PDE1C: variants seen among roughly 807,000 people sequenced by gnomAD.
PDE1C encodes phosphodiesterase 1C, also known as dual specificity calcium/calmodulin-dependent 3',5'-cyclic nucleotide phosphodiesterase 1C.
In PDE1C, 62 loss-of-function variants were observed where a neutral mutation model predicts 93.1. The observed-to-expected ratio is 0.67, with a 90% CI of 0.54 to 0.82. PDE1C has a LOEUF of 0.82. PDE1C is among the 40% of genes least tolerant of loss of function. PDE1C has a pLI of 0.00. For missense variants in PDE1C, 742 were observed against 884.6 expected (o/e 0.84, Z 2.04); for synonymous variants, 325 against 310.1 (o/e 1.05, Z -0.50).
chr7:32,180,742 T>C (rs1398034265), intron 2 of PDE1C, among the ~76,000 whole-genome samples: 1 of 152,228 alleles, frequency 6.6e-6, no homozygotes, highest in Non-Finnish European at 1.5e-5. Flanking sequence ...AAGTGCAGAA[T>C]TTTCCAAAAA....
rs547629279 is a variant in PDE1C at position 32,403,846 on chromosome 7, G to A, written c.310+23976C>T. ...CAGCATTGGGAACTGAGGGGTTGGTGGGGAGGAGTGACAAAATATAGAAGA... is the reference window on the plus strand; with the variant it reads ...CAGCATTGGGAACTGAGGGGTTGGTAGGGAGGAGTGACAAAATATAGAAGA... On this transcript the variant is annotated intron_variant, in intron 1 of 1. Transcript: ENST00000672256. Among the ~76,000 whole-genome samples the A allele has an allele frequency of 3.0e-4, 46 of 152,262 alleles. No individual in the cohort carries two copies. In the South Asian group the frequency reaches 4.8e-3, roughly 16 times the overall value.
At chr7:31,672,183 G>A in the PDE1C span, among the ~76,000 whole-genome samples, 950 of 152,146 alleles carry the variant, frequency 6.2e-3, 10 homozygotes, top group African/African-American at 0.022. Flanking sequence ...TCAGACTCTC[G>A]GCCAAGTCTG....
At chr7:31,695,128 G>A in the PDE1C span, among the ~76,000 whole-genome samples, 2 of 140,600 alleles carry the variant, frequency 1.4e-5, no homozygotes, top group Non-Finnish European at 3.0e-5. Context: ...ATGGAGGCGC[G>A]TTTAGCAGAG....
At chr7:31,631,987 G>T in the PDE1C span, among the ~76,000 whole-genome samples, 8 of 152,316 alleles carry the variant, frequency 5.3e-5, no homozygotes, top group South Asian at 1.0e-3. Flanking sequence ...GGCCCTGCAG[G>T]TCCCAGTGAC....
chr7:31,742,419 C>T, the PDE1C span, among the ~76,000 whole-genome samples: 9 of 152,204 alleles, frequency 5.9e-5, no homozygotes, highest in Admixed American at 2.6e-4. Flanking sequence ...TCAAGCAGCA[C>T]AAGCCAGCTG....
chr7:32,082,534 G>T (rs531656880), intron 3 of PDE1C, among the ~76,000 whole-genome samples: 3 of 152,208 alleles, frequency 2.0e-5, no homozygotes, highest in Admixed American at 1.3e-4. Flanking sequence ...ATCTGAGAAC[G>T]GGCAGACTGC....
chr7:32,252,132 C>T (rs949593870), intron 1 of PDE1C, among the ~76,000 whole-genome samples: 2 of 152,204 alleles, frequency 1.3e-5, no homozygotes, highest in African/African-American at 4.8e-5. Context: ...ACTTATGTCT[C>T]CTCCTCTCTG....
At chr7:32,165,341 G>T (rs1400476318) in intron 3 of PDE1C, among the ~76,000 whole-genome samples, 1 of 152,120 alleles carries the variant, frequency 6.6e-6, no homozygotes, top group African/African-American at 2.4e-5. Context: ...CCAGGAAGGG[G>T]GTCTCTTTAT....
At chr7:31,828,676 AGCCAGCACT>A (rs1158825395) in intron 11 of PDE1C, among the ~76,000 whole-genome samples, 3 of 152,162 alleles carry the variant, frequency 2.0e-5, no homozygotes, top group Non-Finnish European at 4.4e-5. Flanking sequence ...TGTGGCCTGC[AGCCAGCACT>A]GCAGGCAGAA....
chr7:32,212,621 C>T lies in PDE1C; in HGVS notation c.86-3082G>A, dbSNP rs775499385. ...TGCGCTAGATGGACAATCCCACACA[C>T]GCCCTTCACACACTCTTCCTGCCTG... is the stretch of plus-strand genomic sequence containing the variant. On this transcript the variant is annotated intron_variant, in intron 1 of 18. Coordinates refer to the PDE1C transcript ENST00000396193. 7.9e-5 allele frequency among the ~76,000 whole-genome samples: 12 copies of T among 152,286 alleles called. 1 individual carries two copies. The South Asian group carries it at 8.3e-4, about 11-fold the overall frequency.
intron 1 of PDE1C, among the ~76,000 whole-genome samples, chr7:32,385,509 C>A (rs1784606731): frequency 6.6e-6 from 1 of 152,164 alleles, no homozygotes; most frequent in African/African-American, 2.4e-5. Flanking sequence ...CAAGGTCCCT[C>A]ACAAGCAAGC....
At chr7:31,645,203 T>C in the PDE1C span, among the ~76,000 whole-genome samples, 1 of 152,196 alleles carries the variant, frequency 6.6e-6, no homozygotes, top group East Asian at 1.9e-4. Context: ...CTTTAAAATA[T>C]CTAAATCTAT....
At chr7:31,743,786 C>T in the PDE1C span, among the ~76,000 whole-genome samples, 2,629 of 152,208 alleles carry the variant, frequency 0.017, 79 homozygotes, top group African/African-American at 0.059. Flanking sequence ...AAGAAGTCAG[C>T]CAGGGCTGGT....
At chr7:31,790,083 G>A in intron 16 of PDE1C, 1 of 1,462,970 alleles carries the variant, frequency 6.8e-7, no homozygotes, top group Non-Finnish European at 9.0e-7. Flanking sequence ...GAGATGGTGT[G>A]AGGGAAGGCC....
the PDE1C span, among the ~76,000 whole-genome samples, chr7:31,736,205 G>A: frequency 6.6e-6 from 1 of 152,168 alleles, no homozygotes; most frequent in Non-Finnish European, 1.5e-5. Flanking sequence ...TCCAGGTCTT[G>A]TACCAGCAGG....
intron 2 of PDE1C, among the ~76,000 whole-genome samples, chr7:31,999,649 T>C (rs1221221391): frequency 2.0e-5 from 3 of 152,166 alleles, no homozygotes; most frequent in African/African-American, 7.2e-5. Flanking sequence ...TACATGGATA[T>C]AAAAACACCT....
chr7:31,723,845 C>T, the PDE1C span, among the ~76,000 whole-genome samples: 8 of 152,268 alleles, frequency 5.3e-5, no homozygotes, highest in South Asian at 2.1e-4. Flanking sequence ...TGTGTCTCTC[C>T]GCTCCTGACC....
At chr7:32,322,086 T>C (rs1040456349) in intron 1 of PDE1C, among the ~76,000 whole-genome samples, 2 of 152,196 alleles carry the variant, frequency 1.3e-5, no homozygotes, top group Non-Finnish European at 2.9e-5. Context: ...TATTAATTTA[T>C]TTAGTCCTTA....
chr7:31,826,864 A>G lies in PDE1C; in HGVS notation c.1285+1428T>C, dbSNP rs573301542. Among the ~76,000 whole-genome samples the G allele has an allele frequency of 2.0e-5, 3 of 152,306 alleles. No individual in the cohort carries two copies. In the East Asian group the frequency reaches 5.8e-4, roughly 29 times the overall value. ...GTAAAGGACCAGATAGTTATTTTAG[A>G]CTTTGCAGGCCATATCATCGCTATC... On this transcript the variant is annotated intron_variant, in intron 12 of 17. Transcript: ENST00000396191.
Sources: gnomAD v4.1 joint callset for allele counts (sites outside exome capture counted in the v4.1 genomes callset) on GRCh38, gnomAD v4.1.1 for gene constraint, MANE v1.5 for transcripts, NCBI Gene and HGNC (gene_info 2026-07-23, HGNC 2026-07-21) for gene names.